The following POLE variants were observed in gnomAD, a reference collection of about 807,000 sequenced individuals.
POLE encodes DNA polymerase epsilon, catalytic subunit.
In POLE, 188 loss-of-function variants were observed where a neutral mutation model predicts 279.2. The observed-to-expected ratio is 0.67, with a 90% CI of 0.60 to 0.76. POLE has a LOEUF of 0.76. Ranked by LOEUF, POLE falls within the 30% of genes least tolerant of loss-of-function variation. The pLI is 0.00. For synonymous variants in POLE, 1,214 were observed against 1,172.5 expected (o/e 1.04, Z -0.72); for missense variants, 2,703 against 3,016.7 (o/e 0.90, Z 2.44).
intron 23 of POLE, among the ~76,000 whole-genome samples, chr12:132,662,305 G>A (rs920557608): frequency 1.3e-5 from 2 of 152,244 alleles, no homozygotes; most frequent in Admixed American, 6.5e-5. Flanking sequence ...TACAAATGCT[G>A]TACAGTGGCT....
intron 33 of POLE, 75 bp from the exon 34 acceptor site, chr12:132,643,635 G>A (rs2042207819): frequency 6.3e-6 from 10 of 1,592,688 alleles, no homozygotes; most frequent in Non-Finnish European, 8.6e-6. Context: ...CTTCTGCCCG[G>A]GATGTGGCTG....
rs547222512 is a variant in POLE at position 132,680,350 on chromosome 12, A to G, written c.286-128T>C. The G allele has an allele frequency of 4.5e-5, 38 of 847,130 alleles. No homozygotes were observed. In the African/African-American group the frequency reaches 5.4e-4, roughly 12 times the overall value. 52.5% of individuals were successfully genotyped at this position (847,130 alleles called of 1,614,324 possible). On this transcript the variant is annotated intron_variant, in intron 3 of 48. Coordinates refer to ENST00000320574, the MANE Select transcript of POLE (RefSeq NM_006231.4). ...CCAGGGTAGCCTTGACCTTGGTAGCATACAGGAAGTCAGAATGCGCACTTT... is the reference window on the plus strand; with the variant it reads ...CCAGGGTAGCCTTGACCTTGGTAGCGTACAGGAAGTCAGAATGCGCACTTT...
At position 132,679,490 on chromosome 12, in the gene POLE, A is replaced by C. The variant is rs1270647379; in HGVS notation, c.578+7T>G. 4 of 1,595,838 alleles carry C rather than the reference A, an allele frequency of 2.5e-6. No individual in the cohort carries two copies. In the South Asian group the frequency reaches 4.4e-5, roughly 18 times the overall value. ...GCTGATGCTTTGCTCACAAGACCAAAGTTTACCTGGAAAGCAGAGCTGTGT... is the reference window on the plus strand; with the variant it reads ...GCTGATGCTTTGCTCACAAGACCAACGTTTACCTGGAAAGCAGAGCTGTGT... On this transcript the variant is annotated splice_region_variant and intron_variant, in intron 6 of 48. Coordinates refer to ENST00000320574, the MANE Select transcript of POLE (RefSeq NM_006231.4).
Position 132,677,722 on chromosome 12 carries a change from A to G in POLE, c.579-3T>C, listed in dbSNP as rs1593082215. 6.2e-7 allele frequency: 1 copy of G among 1,613,692 alleles called. No individual in the cohort carries two copies. ...TGACACCGCCCCTCTGCAGAACACT[A>G]GGAATTAACAAGAGAGCAACTAACT... On this transcript the variant is annotated splice_polypyrimidine_tract_variant and splice_region_variant and intron_variant, in intron 6 of 48. Transcript: ENST00000320574.
chr12:132,663,374 T>G (rs1049400166), intron 23 of POLE, among the ~76,000 whole-genome samples: 1 of 152,190 alleles, frequency 6.6e-6, no homozygotes, highest in Non-Finnish European at 1.5e-5. Context: ...ACGATGCGTG[T>G]GAGAACGTGG....
Position 132,626,198 on chromosome 12 carries a change from G to A in POLE, c.6450C>T (p.Ser2150=). Residue 2150 remains serine, a synonymous_variant, in exon 46 of 49, where the codon TCC becomes TCT. Transcript: ENST00000320574. ...EEAQFRDPCR[S]YVLPEVICRS... ...GGCAGATGACCTCAGGAAGCACGTA[G>A]GAGCGGCAGGGGTCTCGGAACTGGG... is the stretch of plus-strand genomic sequence containing the variant. 6.2e-7 allele frequency: 1 copy of A among 1,613,784 alleles called. No homozygotes were observed. Among genetic ancestry groups the A allele is most frequent in the Non-Finnish European group, 8.5e-7 (1 of 1,179,932 alleles).
At position 132,624,814 on chromosome 12, in the gene POLE, C is replaced by T. The variant is rs767356249; in HGVS notation, c.6748-4G>A. 1.9e-6 allele frequency: 3 copies of T among 1,601,244 alleles called. No homozygotes were observed. In the South Asian group the frequency reaches 3.3e-5, roughly 18 times the overall value. ...TTCCGATCTGTTCCATGAAGACCTG[C>T]AGGAATAAACAGGCACAGTGAGACC... On this transcript the variant is annotated splice_region_variant and splice_polypyrimidine_tract_variant and intron_variant, in intron 48 of 48. Transcript: ENST00000320574.
At chr12:132,662,272 G>A (rs1269844406) in intron 23 of POLE, among the ~76,000 whole-genome samples, 1 of 152,240 alleles carries the variant, frequency 6.6e-6, no homozygotes, top group Non-Finnish European at 1.5e-5. Context: ...GACAGGGTAA[G>A]GCTGAAAACA....
intron 26 of POLE, chr12:132,658,265 C>T (rs1254345041): frequency 3.0e-5 from 9 of 302,350 alleles, no homozygotes; most frequent in East Asian, 7.9e-5. Context: ...GACATGTCTG[C>T]GTTTCTCATT....
rs746774432 is a variant in POLE at position 132,667,546 on chromosome 12, C to G, written c.2276G>C (p.Arg759Pro). ...RENSFYVDTV[R>P]AFRDRRYEFK... is the part of the protein sequence containing the mutation. ...CTCGTAACGCCTGTCCCGGAAGGCA[C>G]GCACGGTGTCCACGTAGAAGGAGTT... The change falls in exon 20 of 49, where the codon CGT becomes CCT. Residue 759 changes from arginine (R) to proline (P), a missense_variant. This residue lies in a region of POLE where 1,011 missense variants were observed against 1,111.7 expected (regional missense o/e 0.91). Transcript: ENST00000320574. 1 of 1,613,972 alleles carries G rather than the reference C, an allele frequency of 6.2e-7. No homozygotes were observed. The highest frequency in any genetic ancestry group is 8.5e-7 in the Non-Finnish European group (1 of 1,179,996).
At chr12:132,645,118 G>C (rs1212151208) in intron 32 of POLE, among the ~76,000 whole-genome samples, 14 of 80,500 alleles carry the variant, frequency 1.7e-4, no homozygotes, top group Non-Finnish European at 3.1e-4. Context: ...GGGGTCCTGG[G>C]GGGGTCTGGG....
At chr12:132,657,520 T>G in intron 27 of POLE, 91 bp from the exon 28 acceptor site, 2 of 1,060,938 alleles carry the variant, frequency 1.9e-6, no homozygotes, top group Non-Finnish European at 1.4e-6. Flanking sequence ...CTAACCACTG[T>G]GTCTTATTTA....
In POLE at chr12:132,657,365, G is replaced by C. The variant is rs1060500886; in HGVS notation, c.3443C>G (p.Pro1148Arg). The change falls in exon 28 of 49, where the codon CCT becomes CGT. Residue 1148 changes from proline (P) to arginine (R), a missense_variant. This residue lies in a region of POLE where 1,551 missense variants were observed against 1,686.1 expected (regional missense o/e 0.92). Coordinates refer to ENST00000320574, the MANE Select transcript of POLE (RefSeq NM_006231.4). ...CGCCCTTACCTGCTGCAGGGCCGCA[G>C]GGATGGTGATGATCTTCTGGATGGC... ...GSAIQKIITI[P>R]AALQQVKNPV... 4 of 1,614,038 alleles carry C rather than the reference G, an allele frequency of 2.5e-6. No individual in the cohort carries two copies. The Admixed American group carries it at 5.0e-5, about 20-fold the overall frequency.
intron 15 of POLE, 34 bp from the exon 16 acceptor site, chr12:132,672,356 G>T: frequency 6.5e-7 from 1 of 1,527,178 alleles, no homozygotes; most frequent in South Asian, 1.1e-5. Flanking sequence ...GGTCAGAGGG[G>T]AAACACACCC....
At chr12:132,673,404 C>A in intron 13 of POLE, 127 bp from the exon 14 acceptor site, 3 of 1,201,260 alleles carry the variant, frequency 2.5e-6, no homozygotes, top group South Asian at 2.6e-5. Context: ...CGGCACAGGA[C>A]AAAACACGTG....
chr12:132,645,672 C>T (rs1454168756), intron 32 of POLE, among the ~76,000 whole-genome samples: 2 of 152,122 alleles, frequency 1.3e-5, no homozygotes, highest in East Asian at 3.8e-4. Flanking sequence ...GTAAAATGTC[C>T]AGGTTGCAAT....
Position 132,657,432 on chromosome 12 carries a change from G to A in POLE, c.3379-3C>T, listed in dbSNP as rs61952117. The stretch of plus-strand genomic sequence containing the variant: ...ATGTAGTAGTCCCAATCCAGAATCT[G>A]CATGTGCAGGAAACGGGCACAGAGA... On this transcript the variant is annotated splice_polypyrimidine_tract_variant and splice_region_variant and intron_variant, in intron 27 of 48. Coordinates refer to ENST00000320574, the MANE Select transcript of POLE (RefSeq NM_006231.4). The A allele has an allele frequency of 1.9e-6, 3 of 1,613,920 alleles. No individual in the cohort carries two copies. The highest frequency in any genetic ancestry group is 2.5e-6 in the Non-Finnish European group (3 of 1,179,894).
At position 132,639,397 on chromosome 12, in the gene POLE, G is replaced by C; in HGVS notation, c.5379-99C>G. The C allele has an allele frequency of 8.6e-7, 1 of 1,156,570 alleles. No homozygotes were observed. Among genetic ancestry groups the C allele is most frequent in the Non-Finnish European group, 1.2e-6 (1 of 807,472 alleles). The allele number at this position is 1,156,570 out of a possible 1,614,324, so 71.6% of individuals were successfully genotyped here. ...AAATGGGCACAGGTTTTCCCTACACGGCTGGGTCCAAATCCGTCACTGTCG... is the reference window on the plus strand; with the variant it reads ...AAATGGGCACAGGTTTTCCCTACACCGCTGGGTCCAAATCCGTCACTGTCG... On this transcript the variant is annotated intron_variant, in intron 39 of 48. Transcript: ENST00000320574. The surrounding 1 kb of genome is among the most constrained non-coding windows in gnomAD (Gnocchi z 4.7).
At position 132,626,988 on chromosome 12, in the gene POLE, T is replaced by C. The variant is rs79340019; in HGVS notation, c.6331-671A>G. ...GGCTCACGCTTGTTTTCTCAGTACA[T>C]ATAAAAGTTACGTGATTTGTGGTGG... On this transcript the variant is annotated intron_variant, in intron 45 of 48. Coordinates refer to ENST00000320574, the MANE Select transcript of POLE (RefSeq NM_006231.4). Among the ~76,000 whole-genome samples the C allele has an allele frequency of 2.7e-3, 416 of 152,352 alleles. 2 individuals carry two copies. The highest frequency in any genetic ancestry group is 9.6e-3 in the African/African-American group (398 of 41,590).
Sources: allele counts gnomAD v4.1 joint callset (sites outside exome capture counted in the v4.1 genomes callset), GRCh38; gene constraint gnomAD v4.1.1; regional missense constraint gnomAD v4.1.1; non-coding constraint Gnocchi (gnomAD v3.1); transcripts MANE v1.5; gene names NCBI Gene and HGNC (gene_info 2026-07-23, HGNC 2026-07-21).